Variants in RUFY4 observed in about 807,000 individuals in gnomAD.
RUFY4 encodes RUN and FYVE domain containing 4, also known as RUN and FYVE domain-containing protein 4.
Under a neutral mutation model 69.0 loss-of-function variants are expected in RUFY4, and 73 were observed. That is an observed-to-expected ratio of 1.06 (90% CI 0.88 to 1.29). RUFY4 has a LOEUF of 1.29. Among genes scored for constraint, RUFY4 ranks in the 50% most tolerant of loss-of-function variants. The pLI is 0.00. For missense variants in RUFY4, 770 were observed against 705.6 expected, an observed-to-expected ratio of 1.09 and a Z score of -1.03; for synonymous variants, 287 against 271.8, an observed-to-expected ratio of 1.06 and a Z score of -0.55.
chr2:218,071,925 A>G (rs1171568489), intron 2 of RUFY4, among the ~76,000 whole-genome samples: 1 of 152,006 alleles, frequency 6.6e-6, no homozygotes, highest in Non-Finnish European at 1.5e-5. Context: ...CCCTCTCCTC[A>G]AAGAACACAC....
intron 8 of RUFY4, among the ~76,000 whole-genome samples, chr2:218,078,081 G>A (rs1689677301): frequency 6.6e-6 from 1 of 152,142 alleles, no homozygotes; most frequent in African/African-American, 2.4e-5. Flanking sequence ...CCTAGGTATG[G>A]GAAATCCTCT....
intron 8 of RUFY4, among the ~76,000 whole-genome samples, chr2:218,082,259 T>C (rs1265109590): frequency 6.6e-6 from 1 of 152,172 alleles, no homozygotes; most frequent in African/African-American, 2.4e-5. Context: ...AAAGACAAGG[T>C]AACATAACTT....
chr2:218,040,298 G>T (rs1959043550), intron 2 of RUFY4, among the ~76,000 whole-genome samples: 2 of 152,270 alleles, frequency 1.3e-5, no homozygotes, highest in South Asian at 2.1e-4. Flanking sequence ...ACATGGTTGG[G>T]ACTCAGAAGG....
intron 4 of RUFY4, 146 bp from the exon 7 acceptor site, chr2:218,073,097 G>A (rs1689533270): frequency 1.8e-6 from 2 of 1,137,674 alleles, no homozygotes; most frequent in South Asian, 1.6e-5. Context: ...TGCTCCTGAA[G>A]GGCCACAACT....
intron 2 of RUFY4, among the ~76,000 whole-genome samples, chr2:218,038,131 A>G (rs1014893826): frequency 2.6e-5 from 4 of 152,198 alleles, no homozygotes; most frequent in Admixed American, 2.6e-4. Context: ...ACCCAGTCCA[A>G]TGGTATGATC....
chr2:218,046,239 T>C (rs1169266921), intron 2 of RUFY4, among the ~76,000 whole-genome samples: 1 of 152,104 alleles, frequency 6.6e-6, no homozygotes, highest in Non-Finnish European at 1.5e-5. Context: ...TGTAAATATA[T>C]ACTATTGTTA....
chr2:218,045,543 G>A (rs910484808), intron 2 of RUFY4, among the ~76,000 whole-genome samples: 3 of 151,678 alleles, frequency 2.0e-5, no homozygotes, highest in Admixed American at 1.3e-4. Flanking sequence ...AAAAACCAAC[G>A]TTTTAACAAA....
chr2:218,047,617 A>G (rs1474079846), intron 2 of RUFY4, among the ~76,000 whole-genome samples: 1 of 152,160 alleles, frequency 6.6e-6, no homozygotes, highest in African/African-American at 2.4e-5. Context: ...AGTTTTAATT[A>G]CATGTATTAA....
Position 218,056,114 on chromosome 2 carries a change from A to G in RUFY4, c.-1157-2481A>G, listed in dbSNP as rs888381649. ...TAATTCAGCTCACTCACGGAATGCT[A>G]CACAATGGCTGCAACAGGTCTCAAT... On this transcript the variant is annotated intron_variant and NMD_transcript_variant, in intron 2 of 13. Transcript: ENST00000457754. 6.9e-4 allele frequency among the ~76,000 whole-genome samples: 105 copies of G among 152,232 alleles called. 1 individual carries two copies. Among genetic ancestry groups the G allele is most frequent in the Admixed American group, 6.3e-3 (96 of 15,294 alleles).
At chr2:218,069,434 C>T (rs936592236), upstream of RUFY4, 2 of 151,952 alleles carry the variant, frequency 1.3e-5, no homozygotes. Context: ...CTGGCAGAGA[C>T]GAGGGAGAGG....
rs138356430 is a variant in RUFY4 at position 218,039,327 on chromosome 2, C to T, written c.-1158+3933C>T. Among the ~76,000 whole-genome samples the T allele has an allele frequency of 2.0e-4, 30 of 152,230 alleles. 2 individuals are homozygous for T. In the East Asian group the frequency reaches 5.8e-3, roughly 29 times the overall value. On this transcript the variant is annotated intron_variant and NMD_transcript_variant, in intron 2 of 13. Coordinates refer to the RUFY4 transcript ENST00000457754. The stretch of plus-strand genomic sequence containing the variant: ...AGGCAGACCAGGTGGGCTGTGTGTT[C>T]GGGCATACCTGTGGTATGAGTGTGT...
chr2:218,084,238 GT>G (rs887089619), intron 9 of RUFY4, among the ~76,000 whole-genome samples: 373 of 143,936 alleles, frequency 2.6e-3, no homozygotes, highest in Middle Eastern at 3.7e-3. Flanking sequence ...TTGTTTGCTT[GT>G]TTTTTTTTTT....
At chr2:218,080,226 G>A (rs1484956890) in intron 8 of RUFY4, among the ~76,000 whole-genome samples, 3 of 152,222 alleles carry the variant, frequency 2.0e-5, no homozygotes, top group Non-Finnish European at 2.9e-5. Context: ...GGCTGGGGCA[G>A]GGTTTAGAGC....
At chr2:218,085,812 T>C (rs1412099577) in intron 9 of RUFY4, among the ~76,000 whole-genome samples, 1 of 152,238 alleles carries the variant, frequency 6.6e-6, no homozygotes, top group Non-Finnish European at 1.5e-5. Context: ...TTTGGGTGTC[T>C]GGTTGTAGCA....
rs1279639472 is a variant in RUFY4, at chr2:218,075,111, G to A, written c.619G>A (p.Gly207Arg). 9.1e-6 allele frequency: 14 copies of A among 1,537,470 alleles called. No homozygotes were observed. The highest frequency in any genetic ancestry group is 7.3e-5 in the East Asian group (3 of 40,938). ...TCCACAGATCCCAGCCGCATATGGA[G>A]GGCCTGAAAATGTCCAGATTGAGGA... The change falls in exon 7 of 11, where the codon GGG (glycine) becomes AGG (arginine). Residue 207 changes from glycine to arginine, a missense_variant. Coordinates refer to ENST00000344321, the Ensembl canonical transcript of RUFY4.
Position 218,089,307 on chromosome 2 carries a change from T to A in RUFY4, c.1558T>A (p.Cys520Ser), listed in dbSNP as rs768983841. Residue 520 changes from cysteine (C) to serine (S), a missense_variant, in exon 10 of 11, where the codon TGC becomes AGC. By Grantham distance (112) the Cys-to-Ser change is moderately radical. Transcript: ENST00000344321. ...GCATCTCTCTTCCATGGCTCCCGAG[T>A]GCTGTGTGGCCTGTAGCAAGATCTT... 4 of 1,613,820 alleles carry A rather than the reference T, an allele frequency of 2.5e-6. No individual in the cohort carries two copies. In the South Asian group the frequency reaches 3.3e-5, roughly 13 times the overall value.
intron 9 of RUFY4, among the ~76,000 whole-genome samples, chr2:218,088,951 T>C: frequency 6.7e-6 from 1 of 150,026 alleles, no homozygotes; most frequent in African/African-American, 2.5e-5. Context: ...CTCTCCCTCT[T>C]TCCCCTTCTC....
chr2:218,066,010 G>C (rs1689315912), upstream of RUFY4, among the ~76,000 whole-genome samples: 1 of 152,082 alleles, frequency 6.6e-6, no homozygotes, highest in Admixed American at 6.5e-5. Context: ...GGGGGACAAG[G>C]GGGGTGGGGA....
At chr2:218,067,642 C>T (rs1054747920), upstream of RUFY4, among the ~76,000 whole-genome samples, 1 of 152,166 alleles carries the variant, frequency 6.6e-6, no homozygotes, top group Non-Finnish European at 1.5e-5. Context: ...AAGCTCCAGG[C>T]TCTCCCAAGA....
Sources: gnomAD v4.1 joint callset for allele counts (sites outside exome capture counted in the v4.1 genomes callset) on GRCh38, gnomAD v4.1.1 for gene constraint, MANE v1.5 for transcripts, NCBI Gene and HGNC (gene_info 2026-07-23, HGNC 2026-07-21) for gene names.